Variants in FCHSD2 observed in about 807,000 individuals in gnomAD.
FCHSD2 encodes the protein F-BAR and double SH3 domains protein 2.
A neutral mutation model predicts 108.1 loss-of-function variants in FCHSD2; 38 were observed. The ratio of observed to expected loss-of-function variants is 0.35; its 90% CI spans 0.27 to 0.46. The LOEUF is 0.46. Ranked by LOEUF, FCHSD2 falls within the 20% of genes least tolerant of loss-of-function variation. The probability of loss-of-function intolerance (pLI) is 1.00; values close to 1 mark genes in which losing one functional copy is unlikely to be tolerated. For missense variants in FCHSD2, 751 were observed against 897.8 expected (o/e 0.84, Z 2.09); for synonymous variants, 279 against 314.7 (o/e 0.89, Z 1.20).
intron 9 of FCHSD2, among the ~76,000 whole-genome samples, chr11:72,920,453 G>C (rs1432167848): frequency 6.6e-6 from 1 of 152,122 alleles, no homozygotes; most frequent in Admixed American, 6.6e-5. Context: ...TAAAAAATTT[G>C]ATCACGGCTG....
At chr11:73,121,160 T>TATACAC (rs761359286) in intron 2 of FCHSD2, among the ~76,000 whole-genome samples, 4 of 150,192 alleles carry the variant, frequency 2.7e-5, no homozygotes, top group African/African-American at 1.0e-4. Context: ...CTCTCTCTCT[T>TATACAC]ATACACATAC....
chr11:72,979,560 T>G (rs1015635156), intron 8 of FCHSD2, among the ~76,000 whole-genome samples: 1 of 152,178 alleles, frequency 6.6e-6, no homozygotes, highest in Non-Finnish European at 1.5e-5. Context: ...TCTCAATACT[T>G]ACACAGTAAA....
In FCHSD2 at chr11:72,884,131, T is replaced by C. The variant is rs973490044; in HGVS notation, c.1146+3339A>G. ...CATTAATAGCAGGACAACTTGATAT[T>C]ATGATTCTTTATGTGATGAAAAACA... On this transcript the variant is annotated intron_variant, in intron 12 of 19. Transcript: ENST00000409418. Among the ~76,000 whole-genome samples, 5 of 152,066 alleles carry C rather than the reference T, an allele frequency of 3.3e-5. No individual in the cohort carries two copies. In the East Asian group the frequency reaches 9.6e-4, roughly 29 times the overall value.
intron 2 of FCHSD2, among the ~76,000 whole-genome samples, chr11:73,105,023 A>G (rs113313804): frequency 0.012 from 1,819 of 152,338 alleles, 12 homozygotes; most frequent in South Asian, 0.02. Context: ...CCCTGCTAGT[A>G]AAGTACTTCA....
At chr11:72,899,804 A>T (rs1369383511) in intron 10 of FCHSD2, among the ~76,000 whole-genome samples, 1 of 151,574 alleles carries the variant, frequency 6.6e-6, no homozygotes, top group Non-Finnish European at 1.5e-5. Context: ...TTAAAATCAT[A>T]GGCATTTATC....
chr11:73,068,582 G>T (rs573160220), intron 3 of FCHSD2, among the ~76,000 whole-genome samples: 1 of 151,976 alleles, frequency 6.6e-6, no homozygotes, highest in East Asian at 1.9e-4. Flanking sequence ...TATATTTTTG[G>T]TTTAAAGTTT....
intron 2 of FCHSD2, among the ~76,000 whole-genome samples, chr11:73,094,859 C>G (rs1860039736): frequency 6.6e-6 from 1 of 152,042 alleles, no homozygotes; most frequent in Non-Finnish European, 1.5e-5. Context: ...AGAATACAAA[C>G]AAAAATATTT....
At chr11:73,134,740 T>C (rs935762738) in intron 2 of FCHSD2, among the ~76,000 whole-genome samples, 2 of 152,246 alleles carry the variant, frequency 1.3e-5, no homozygotes, top group South Asian at 2.1e-4. Flanking sequence ...CGTTAACGGT[T>C]TGAAAATAGT....
At position 72,837,292 on chromosome 11, in the gene FCHSD2, A is replaced by T. The variant is rs894671975; in HGVS notation, c.*1499T>A. 1.3e-5 allele frequency: 2 copies of T among 152,630 alleles called. No individual in the cohort carries two copies. The highest frequency in any genetic ancestry group is 2.9e-5 in the Non-Finnish European group (2 of 68,040). 9.5% of individuals were successfully genotyped at this position (152,630 alleles called of 1,614,324 possible). On this transcript the variant is annotated 3_prime_UTR_variant, in exon 20 of 20. Transcript: ENST00000409418. Reference sequence around the variant, plus strand: ...GATTCATTAATGGGTATTGTCACTGAAGTGATCAAAGAACTAAAAATTTCT... The same window carrying T: ...GATTCATTAATGGGTATTGTCACTGTAGTGATCAAAGAACTAAAAATTTCT...
intron 12 of FCHSD2, among the ~76,000 whole-genome samples, chr11:72,881,296 T>C: frequency 6.6e-6 from 1 of 152,092 alleles, no homozygotes; most frequent in East Asian, 1.9e-4. Flanking sequence ...TTATCATCAG[T>C]AAAATGCAAA....
intron 12 of FCHSD2, among the ~76,000 whole-genome samples, chr11:72,885,927 A>G (rs781313783): frequency 3.9e-5 from 6 of 152,158 alleles, no homozygotes; most frequent in Non-Finnish European, 5.9e-5. Flanking sequence ...AGGTGGGGTT[A>G]CTGGGGTTTC....
rs917774238 is a variant in FCHSD2 at position 73,016,004 on chromosome 11, GA to G, written c.166-120del. 1.4e-5 allele frequency: 9 copies of G among 631,892 alleles called. No individual in the cohort carries two copies. The East Asian group carries it at 1.5e-4, about 11-fold the overall frequency. 39.1% of individuals were successfully genotyped at this position (631,892 alleles called of 1,614,324 possible). ...CCAAATGTAAATTTAATTCAGAAGT[GA>G]AAAAAAACAATGATAGGCTGCACGT... On this transcript the variant is annotated intron_variant, in intron 3 of 19. Coordinates refer to ENST00000409418, the MANE Select transcript of FCHSD2 (RefSeq NM_014824.3).
intron 8 of FCHSD2, among the ~76,000 whole-genome samples, chr11:72,943,077 C>T (rs373954970): frequency 3.9e-5 from 6 of 152,140 alleles, no homozygotes; most frequent in East Asian, 3.8e-4. Flanking sequence ...CTACAACCTC[C>T]GCCTCCCGGG....
intron 10 of FCHSD2, chr11:72,900,451 C>A: frequency 1.5e-6 from 1 of 647,786 alleles, no homozygotes; most frequent in Non-Finnish European, 2.7e-6. Flanking sequence ...TTTAGGGCTG[C>A]AGTTGGGCTG....
At chr11:72,866,301 C>T (rs977763732) in intron 13 of FCHSD2, among the ~76,000 whole-genome samples, 7 of 151,956 alleles carry the variant, frequency 4.6e-5, no homozygotes, top group East Asian at 1.9e-4. Flanking sequence ...CAGAGTTTCA[C>T]TCTTGTCACC....
At chr11:73,016,153 A>C (rs1857967564) in intron 3 of FCHSD2, among the ~76,000 whole-genome samples, 1 of 152,012 alleles carries the variant, frequency 6.6e-6, no homozygotes, top group Non-Finnish European at 1.5e-5. Context: ...AAATACAAAA[A>C]TTAGCCGGGT....
At position 73,085,567 on chromosome 11, in the gene FCHSD2, C is replaced by T. The variant is rs1337955695; in HGVS notation, c.120-1827G>A. ...GATCTTGAAGAGTAAGACATTCTAA[C>T]GCAACCACATTTAAGGGAGAAATTG... On this transcript the variant is annotated intron_variant, in intron 2 of 19. Coordinates refer to ENST00000409418, the MANE Select transcript of FCHSD2 (RefSeq NM_014824.3). 2.6e-5 allele frequency among the ~76,000 whole-genome samples: 4 copies of T among 152,152 alleles called. 1 individual carries two copies. The highest frequency in any genetic ancestry group is 6.8e-3 in the Middle Eastern group (2 of 294).
chr11:73,068,634 C>T (rs891718425), intron 3 of FCHSD2, among the ~76,000 whole-genome samples: 2 of 151,730 alleles, frequency 1.3e-5, no homozygotes, highest in Non-Finnish European at 2.9e-5. Context: ...AATTGGAACA[C>T]ACATTTGGTA....
At chr11:73,048,072 A>T (rs1434819468) in intron 3 of FCHSD2, among the ~76,000 whole-genome samples, 1 of 141,596 alleles carries the variant, frequency 7.1e-6, no homozygotes, top group Non-Finnish European at 1.5e-5. Flanking sequence ...GCAGGAAGTT[A>T]AAAAAAAAAT....
Sources: allele counts gnomAD v4.1 joint callset (sites outside exome capture counted in the v4.1 genomes callset), GRCh38; gene constraint gnomAD v4.1.1; transcripts MANE v1.5; gene names NCBI Gene and HGNC (gene_info 2026-07-23, HGNC 2026-07-21).